Variants in SIPA1 observed in about 807,000 individuals in gnomAD.
SIPA1 encodes signal-induced proliferation-associated 1, also known as signal-induced proliferation-associated protein 1.
SIPA1 carries 51 observed loss-of-function variants against 88.1 expected under a neutral mutation model. That is an observed-to-expected ratio of 0.58 (90% CI 0.46 to 0.73). The LOEUF (loss-of-function observed/expected upper bound fraction) is 0.73. Among genes scored for constraint, SIPA1 ranks in the 30% least tolerant of loss-of-function variants. The pLI, the probability that SIPA1 is intolerant of heterozygous loss-of-function variation, is 0.00. For missense variants in SIPA1, 1,348 were observed against 1,467.6 expected, an observed-to-expected ratio of 0.92 and a Z score of 1.33; for synonymous variants, 681 against 664.8, an observed-to-expected ratio of 1.02 and a Z score of -0.37.
intron 9 of SIPA1, among the ~76,000 whole-genome samples, chr11:65,648,162 C>G (rs370236158): frequency 6.6e-6 from 1 of 152,208 alleles, no homozygotes; most frequent in East Asian, 1.9e-4. Context: ...CGTGAGTCAC[C>G]GCGCCCTGAA....
chr11:65,645,822 C>A, intron 5 of SIPA1, 32 bp from the exon 6 acceptor site: 4 of 1,526,254 alleles, frequency 2.6e-6, no homozygotes, highest in Non-Finnish European at 3.6e-6. Flanking sequence ...CCCTTGTTTT[C>A]TCCTTCTGTG....
At position 65,650,197 on chromosome 11, in the gene SIPA1, GCTCCCCAA is replaced by G; in HGVS notation, c.2903+13_2903+20del. 1 of 1,613,968 alleles carries G rather than the reference GCTCCCCAA, an allele frequency of 6.2e-7. No homozygotes were observed. Among genetic ancestry groups the G allele is most frequent in the South Asian group, 1.1e-5 (1 of 91,076 alleles). ...AACTCCAAAATCTGATGCTGAGTAA[GCTCCCCAA>G]CTCCCCACAGCCGCTTTACCTGCCC... On this transcript the variant is annotated splice_donor_region_variant and intron_variant, in intron 14 of 15. Transcript: ENST00000534313.
rs151141466 is a variant in SIPA1 at position 65,645,915 on chromosome 11, C to T, written c.1221C>T (p.His407=). The T allele has an allele frequency of 4.6e-5, 74 of 1,613,590 alleles. No individual in the cohort carries two copies. In the African/African-American group the frequency reaches 5.6e-4, roughly 12 times the overall value. ...TTYQDHEIMF[H]VSTMLPYTPN... Reference sequence around the variant, plus strand: ...ACCAGGACCACGAGATCATGTTCCACGTGTCCACGATGCTGCCTTACACCC... The same window carrying T: ...ACCAGGACCACGAGATCATGTTCCATGTGTCCACGATGCTGCCTTACACCC... Residue 407 remains histidine (H), a synonymous_variant, in exon 6 of 16, where the codon CAC becomes CAT. Coordinates refer to ENST00000534313, the MANE Select transcript of SIPA1 (RefSeq NM_006747.4).
intron 1 of SIPA1, chr11:65,639,789 A>C (rs1855967652): frequency 6.6e-6 from 1 of 152,076 alleles, no homozygotes; most frequent in Non-Finnish European, 1.5e-5. Flanking sequence ...GGGTGTCTCA[A>C]TCTTGCATCC....
Position 65,646,530 on chromosome 11 carries a change from C to G in SIPA1, c.1496C>G (p.Ala499Gly). 6.4e-7 allele frequency: 1 copy of G among 1,564,432 alleles called. No homozygotes were observed. Among genetic ancestry groups the G allele is most frequent in the Non-Finnish European group, 8.6e-7 (1 of 1,161,668 alleles). ...CCTGCTGGCGGAGGCCCCTTCGCAGCCAACGCCGACTTCCGGGCCTTCCTG... is the reference window on the plus strand; with the variant it reads ...CCTGCTGGCGGAGGCCCCTTCGCAGGCAACGCCGACTTCCGGGCCTTCCTG... ...ALPAGGGPFA[A>G]NADFRAFLLA... The change falls in exon 8 of 16, where the codon GCC (alanine) becomes GGC (glycine). Residue 499 changes from alanine to glycine, a missense_variant. Physicochemically the swap from Ala to Gly is moderately conservative, Grantham distance 60. Around this residue, in one of 4 missense-constraint regions of SIPA1, gnomAD observed 641 missense variants for 797.7 expected, o/e 0.80. Transcript: ENST00000534313. This position sits in a 1 kb window ranked among gnomAD's most constrained non-coding sequence, Gnocchi z 7.5.
chr11:65,650,196 A>C lies in SIPA1; in HGVS notation c.2903+4A>C. On this transcript the variant is annotated splice_donor_region_variant and intron_variant, in intron 14 of 15. Transcript: ENST00000534313. ...GAACTCCAAAATCTGATGCTGAGTA[A>C]GCTCCCCAACTCCCCACAGCCGCTT... The C allele has an allele frequency of 6.2e-7, 1 of 1,613,874 alleles. No individual in the cohort carries two copies. The highest frequency in any genetic ancestry group is 8.5e-7 in the Non-Finnish European group (1 of 1,179,892).
At position 65,650,591 on chromosome 11, in the gene SIPA1, TGGA is replaced by T; in HGVS notation, c.3014_3016del (p.Glu1005del). The T allele has an allele frequency of 6.3e-7, 1 of 1,595,238 alleles. No homozygotes were observed. The highest frequency in any genetic ancestry group is 8.5e-7 in the Non-Finnish European group (1 of 1,170,774). On this transcript the variant is annotated inframe_deletion, in exon 16 of 16. Coordinates refer to ENST00000534313, the MANE Select transcript of SIPA1 (RefSeq NM_006747.4). ...CAGGAGAAGGCGGACAGGGCGGCCC[TGGA>T]GGAGGAGGTGCGGAGCCTGAGACAC...
Position 65,649,247 on chromosome 11 carries a change from T to TG in SIPA1, c.2307-14dup. On this transcript the variant is annotated splice_polypyrimidine_tract_variant and intron_variant, in intron 9 of 15. Transcript: ENST00000534313. ...GGACTGGAGAAGTCCTGCCTGACCC[T>TG]GTCCCACCCCACAGGAGTTTTTCGG... 1 of 1,497,564 alleles carries TG rather than the reference T, an allele frequency of 6.7e-7. No individual in the cohort carries two copies. Among genetic ancestry groups the TG allele is most frequent in the Non-Finnish European group, 9.0e-7 (1 of 1,113,956 alleles). The allele number at this position is 1,497,564 out of a possible 1,614,324, so 92.8% of individuals were successfully genotyped here.
At chr11:65,645,182 C>T in intron 5 of SIPA1, 53 bp downstream of exon 5, 1 of 1,530,936 alleles carries the variant, frequency 6.5e-7, no homozygotes, top group Non-Finnish European at 8.9e-7. Context: ...AAGGGGTGAG[C>T]ACAAATTGCC....
In SIPA1 at chr11:65,647,512, G is replaced by T; in HGVS notation, c.2160G>T (p.Ala720=). The change falls in exon 9 of 16, where the codon GCG becomes GCT. Residue 720 remains alanine (A), a synonymous_variant. Coordinates refer to ENST00000534313, the MANE Select transcript of SIPA1 (RefSeq NM_006747.4). ...HVERFTFAET[A]GLRPGARLLR... ...AGCGCTTCACATTCGCCGAGACGGCGGGGCTGCGGCCCGGGGCGCGCCTCC... is the reference window on the plus strand; with the variant it reads ...AGCGCTTCACATTCGCCGAGACGGCTGGGCTGCGGCCCGGGGCGCGCCTCC... 2 of 1,393,904 alleles carry T rather than the reference G, an allele frequency of 1.4e-6. No homozygotes were observed. The highest frequency in any genetic ancestry group is 1.9e-6 in the Non-Finnish European group (2 of 1,078,012). 86.3% of individuals were successfully genotyped at this position (1,393,904 alleles called of 1,614,324 possible).
At chr11:65,641,714 C>T in intron 2 of SIPA1, 114 bp downstream of exon 2, 2 of 1,024,858 alleles carry the variant, frequency 2.0e-6, no homozygotes, top group African/African-American at 1.6e-5. Context: ...AAGTCCCTGG[C>T]CCTGGGAGGG....
In SIPA1 at chr11:65,647,437, A is replaced by G; in HGVS notation, c.2085A>G (p.Gln695=). Residue 695 remains glutamine, a synonymous_variant, in exon 9 of 16, where the codon CAA becomes CAG. Transcript: ENST00000534313. ...TRELALPRDG[Q]GRLGFEVDAE... ...AGCTGGCGCTGCCCCGCGACGGTCA[A>G]GGCCGCCTGGGCTTCGAGGTGGACG... 8.8e-6 allele frequency: 13 copies of G among 1,481,026 alleles called. No homozygotes were observed. The highest frequency in any genetic ancestry group is 1.2e-5 in the Non-Finnish European group (13 of 1,123,742). 91.7% of individuals were successfully genotyped at this position (1,481,026 alleles called of 1,614,324 possible). A position where few individuals can be genotyped will look rare whatever the true frequency, so the allele number is the denominator to read the frequency against.
At chr11:65,645,721 G>A in intron 5 of SIPA1, 133 bp from the exon 6 acceptor site, 1 of 600,784 alleles carries the variant, frequency 1.7e-6, no homozygotes, top group Non-Finnish European at 2.9e-6. Context: ...CTGGGCATTG[G>A]CTGGTGGCAT....
rs777016471 is a variant in SIPA1 at position 65,649,403 on chromosome 11, C to T, written c.2448C>T (p.Gly816=). Residue 816 remains glycine (G), a synonymous_variant, in exon 10 of 16, where the codon GGC becomes GGT. Transcript: ENST00000534313. ...QLLHLCLQDG[G]SPPGPGDLAE... ...TGCACCTGTGCCTGCAAGATGGTGGCAGTCCTCCAGGGCCTGGGGATCTGG... is the reference window on the plus strand; with the variant it reads ...TGCACCTGTGCCTGCAAGATGGTGGTAGTCCTCCAGGGCCTGGGGATCTGG... 6.3e-7 allele frequency: 1 copy of T among 1,586,388 alleles called. No individual in the cohort carries two copies. Among genetic ancestry groups the T allele is most frequent in the Admixed American group, 1.8e-5 (1 of 55,766 alleles).
chr11:65,643,128 G>A (rs1856042505), intron 4 of SIPA1, among the ~76,000 whole-genome samples: 1 of 152,076 alleles, frequency 6.6e-6, no homozygotes, highest in South Asian at 2.1e-4. Context: ...TGTTGGCCAC[G>A]CTGGTTTTGA....
intron 9 of SIPA1, 117 bp downstream of exon 9, chr11:65,647,775 T>G (rs1236340704): frequency 5.0e-6 from 4 of 800,434 alleles, no homozygotes; most frequent in Non-Finnish European, 6.6e-6. Flanking sequence ...CCTTTCCTTC[T>G]GGAAAGAATC....
rs766818167 is a variant in SIPA1, at chr11:65,645,943, A to G, written c.1249A>G (p.Asn417Asp). Residue 417 changes from asparagine to aspartate, a missense_variant, in exon 6 of 16, where the codon AAT (asparagine) becomes GAT (aspartate). Transcript: ENST00000534313. The part of the protein sequence containing the change: ...HVSTMLPYTP[N>D]NQQQLLRKRH... ...GTCCACGATGCTGCCTTACACCCCT[A>G]ATAACCAGCAGCAGGTGTGAGGGGG... is the stretch of plus-strand genomic sequence containing the variant. 9.9e-6 allele frequency: 16 copies of G among 1,611,664 alleles called. No individual in the cohort carries two copies. Among genetic ancestry groups the G allele is most frequent in the Non-Finnish European group, 1.4e-5 (16 of 1,178,486 alleles).
Position 65,641,020 on chromosome 11 carries a change from G to A in SIPA1, c.99G>A (p.Arg33=), listed in dbSNP as rs1405689417. 5.0e-6 allele frequency: 8 copies of A among 1,591,180 alleles called. No homozygotes were observed. Among genetic ancestry groups the A allele is most frequent in the Non-Finnish European group, 6.8e-6 (8 of 1,173,686 alleles). The change falls in exon 2 of 16, where the codon AGG becomes AGA. Residue 33 remains arginine (R), a synonymous_variant. Transcript: ENST00000534313. ...CCCGCAAGCTGCGCCAGCCAGCAAG[G>A]CCCCCGCTGACACCGCACACCTTCG... ...LFARKLRQPA[R]PPLTPHTFEP...
At chr11:65,650,249 G>T (rs1856236915) in intron 14 of SIPA1, 57 bp downstream of exon 14, 1 of 1,585,552 alleles carries the variant, frequency 6.3e-7, no homozygotes, top group Admixed American at 1.7e-5. Context: ...CCCCCTTCGT[G>T]CCTGTCTGCT....
Sources: gnomAD v4.1 joint callset for allele counts (sites outside exome capture counted in the v4.1 genomes callset) on GRCh38, gnomAD v4.1.1 for gene constraint, gnomAD v4.1.1 regional missense constraint, Gnocchi (gnomAD v3.1) non-coding constraint, MANE v1.5 for transcripts, NCBI Gene and HGNC (gene_info 2026-07-23, HGNC 2026-07-21) for gene names.